The following NKAIN2 variants were observed in gnomAD, a reference collection of about 807,000 sequenced individuals.
NKAIN2 encodes sodium/potassium transporting ATPase interacting 2.
NKAIN2 carries 14 observed loss-of-function variants against 32.6 expected under a neutral mutation model. The ratio of observed to expected loss-of-function variants is 0.43; its 90% CI spans 0.28 to 0.67. The LOEUF (loss-of-function observed/expected upper bound fraction) is 0.67. Among genes scored for constraint, NKAIN2 ranks in the 30% least tolerant of loss-of-function variants. NKAIN2 has a pLI of 0.17. For missense variants in NKAIN2, 198 were observed against 258.3 expected (o/e 0.77, Z 1.60); for synonymous variants, 80 against 87.2 (o/e 0.92, Z 0.46).
At chr6:123,980,671 C>T (rs1778847152) in intron 1 of NKAIN2, among the ~76,000 whole-genome samples, 1 of 151,642 alleles carries the variant, frequency 6.6e-6, no homozygotes, top group African/African-American at 2.4e-5. Context: ...AAATGAATGT[C>T]TTATCTTTGA....
At chr6:124,195,680 ATTC>A (rs1350322733) in intron 1 of NKAIN2, among the ~76,000 whole-genome samples, 1 of 152,074 alleles carries the variant, frequency 6.6e-6, no homozygotes, top group Non-Finnish European at 1.5e-5. Context: ...TTTCATAACA[ATTC>A]CTCAATGGAA....
chr6:124,015,001 C>T (rs983233994), intron 1 of NKAIN2, among the ~76,000 whole-genome samples: 2 of 151,940 alleles, frequency 1.3e-5, no homozygotes, highest in Admixed American at 6.6e-5. Flanking sequence ...TTTATGATGA[C>T]GTTTTTAGGG....
At chr6:123,940,706 C>T (rs920601157) in intron 1 of NKAIN2, among the ~76,000 whole-genome samples, 2 of 151,896 alleles carry the variant, frequency 1.3e-5, no homozygotes, top group Non-Finnish European at 2.9e-5. Context: ...AGAGCATTTG[C>T]CATGAATGGA....
chr6:124,551,704 T>C (rs974492674), intron 3 of NKAIN2, among the ~76,000 whole-genome samples: 1 of 152,216 alleles, frequency 6.6e-6, no homozygotes, highest in Non-Finnish European at 1.5e-5. Flanking sequence ...TGTCAATCTT[T>C]TATCTGAAAA....
chr6:124,760,167 G>C (rs772281382), intron 4 of NKAIN2, among the ~76,000 whole-genome samples: 2 of 151,976 alleles, frequency 1.3e-5, no homozygotes, highest in African/African-American at 2.4e-5. Context: ...ACCAAACACC[G>C]CATGTTCTCA....
chr6:124,408,329 C>T (rs1469093492), intron 3 of NKAIN2, among the ~76,000 whole-genome samples: 3 of 152,062 alleles, frequency 2.0e-5, no homozygotes, highest in Admixed American at 1.3e-4. Flanking sequence ...TATGGTTTTA[C>T]ATCTAACATG....
intron 3 of NKAIN2, among the ~76,000 whole-genome samples, chr6:124,656,310 C>A (rs1186058226): frequency 6.6e-6 from 1 of 152,126 alleles, no homozygotes; most frequent in Non-Finnish European, 1.5e-5. Context: ...TAATGTCTGA[C>A]ATTATAATAA....
chr6:124,609,654 C>CT (rs957108408), intron 3 of NKAIN2, among the ~76,000 whole-genome samples: 6 of 152,072 alleles, frequency 3.9e-5, no homozygotes, highest in African/African-American at 1.4e-4. Flanking sequence ...GCTTGCCCCC[C>CT]TCCGGAAGCC....
intron 3 of NKAIN2, among the ~76,000 whole-genome samples, chr6:124,474,803 C>T (rs1219776812): frequency 7.5e-5 from 9 of 119,260 alleles, no homozygotes; most frequent in Non-Finnish European, 1.6e-4. Context: ...TATATATACA[C>T]ACATATTAGA....
intron 3 of NKAIN2, among the ~76,000 whole-genome samples, chr6:124,529,007 C>T (rs527495425): frequency 6.6e-6 from 1 of 152,244 alleles, no homozygotes; most frequent in African/African-American, 2.4e-5. Context: ...GAACATATCC[C>T]CCTCTATACT....
chr6:124,115,519 A>G (rs565653463), intron 1 of NKAIN2, among the ~76,000 whole-genome samples: 71 of 152,244 alleles, frequency 4.7e-4, no homozygotes, highest in African/African-American at 1.6e-3. Flanking sequence ...AGGAAAAGTA[A>G]ATGAGTGGCA....
intron 3 of NKAIN2, among the ~76,000 whole-genome samples, chr6:124,435,034 T>G (rs1403071016): frequency 6.6e-6 from 1 of 152,160 alleles, no homozygotes; most frequent in Non-Finnish European, 1.5e-5. Context: ...ATAATTATCA[T>G]GAAGAGTTTC....
At chr6:124,596,541 C>A (rs972923667) in intron 3 of NKAIN2, among the ~76,000 whole-genome samples, 1 of 152,084 alleles carries the variant, frequency 6.6e-6, no homozygotes, top group African/African-American at 2.4e-5. Flanking sequence ...ATTAGCAGAA[C>A]AGATCAATAG....
chr6:124,539,017 C>G (rs922251962), intron 3 of NKAIN2, among the ~76,000 whole-genome samples: 1 of 152,080 alleles, frequency 6.6e-6, no homozygotes, highest in Non-Finnish European at 1.5e-5. Context: ...TAATCTTTGT[C>G]AGACTCATCC....
chr6:124,651,957 G>C (rs1784384315), intron 3 of NKAIN2, among the ~76,000 whole-genome samples: 2 of 152,128 alleles, frequency 1.3e-5, no homozygotes, highest in African/African-American at 4.8e-5. Context: ...TATGGTCAAG[G>C]CTGAAACTCC....
At chr6:124,749,178 A>G (rs906531452) in intron 4 of NKAIN2, among the ~76,000 whole-genome samples, 3 of 151,798 alleles carry the variant, frequency 2.0e-5, no homozygotes, top group Non-Finnish European at 4.4e-5. Flanking sequence ...TCTCTGCTTG[A>G]GTCTTCCTCC....
chr6:124,264,710 T>C (rs1352248034), intron 1 of NKAIN2, among the ~76,000 whole-genome samples: 3 of 152,180 alleles, frequency 2.0e-5, no homozygotes, highest in Admixed American at 1.3e-4. Context: ...CATAGCCTTA[T>C]CATTTTTGCA....
intron 1 of NKAIN2, among the ~76,000 whole-genome samples, chr6:124,180,980 T>C (rs1789417535): frequency 6.6e-6 from 1 of 152,194 alleles, no homozygotes; most frequent in South Asian, 2.1e-4. Context: ...AATTTCAGTC[T>C]ACACTGCCCT....
chr6:124,353,098 G>C (rs1391880227), intron 2 of NKAIN2, among the ~76,000 whole-genome samples: 1 of 152,050 alleles, frequency 6.6e-6, no homozygotes, highest in Admixed American at 6.6e-5. Flanking sequence ...GGGAAGAATG[G>C]GTTCTGAATC....
Sources: allele counts gnomAD v4.1 joint callset (sites outside exome capture counted in the v4.1 genomes callset), GRCh38; gene constraint gnomAD v4.1.1; transcripts MANE v1.5; gene names NCBI Gene and HGNC (gene_info 2026-07-23, HGNC 2026-07-21).